DLG2: variants seen among roughly 807,000 people sequenced by gnomAD.
The protein encoded by DLG2 is disks large homolog 2.
DLG2 carries 45 observed loss-of-function variants against 132.5 expected under a neutral mutation model. That is an observed-to-expected ratio of 0.34 (90% CI 0.27 to 0.44). The LOEUF (loss-of-function observed/expected upper bound fraction) is 0.44, where lower values mean the gene tolerates loss of function less well. Among genes scored for constraint, DLG2 ranks in the 20% least tolerant of loss-of-function variants. DLG2 has a pLI of 1.00. For missense variants in DLG2, 1,045 were observed against 1,196.9 expected, an observed-to-expected ratio of 0.87 and a Z score of 1.87; for synonymous variants, 424 against 419.6, an observed-to-expected ratio of 1.01 and a Z score of -0.13.
chr11:85,584,282 T>A (rs899032595), intron 3 of DLG2, among the ~76,000 whole-genome samples: 1 of 152,032 alleles, frequency 6.6e-6, no homozygotes. Context: ...TCCAACCCCA[T>A]CCAGGTTACT....
intron 6 of DLG2, among the ~76,000 whole-genome samples, chr11:85,082,693 A>T (rs1453028917): frequency 6.6e-6 from 1 of 151,640 alleles, no homozygotes; most frequent in African/African-American, 2.4e-5. Context: ...TTGAGAAAGG[A>T]ACCAAACAGA....
intron 9 of DLG2, among the ~76,000 whole-genome samples, chr11:84,118,886 G>A (rs1566582091): frequency 1.3e-5 from 2 of 152,146 alleles, no homozygotes; most frequent in Non-Finnish European, 2.9e-5. Context: ...ACTTTAGGCA[G>A]GTTAATAATT....
rs751885351 is a variant in DLG2, at chr11:84,784,356, A to AT, written c.358-249626dup. Among the ~76,000 whole-genome samples, 722 of 148,866 alleles carry AT rather than the reference A, an allele frequency of 4.9e-3. 4 individuals carry two copies. The highest frequency in any genetic ancestry group is 9.9e-3 in the South Asian group (47 of 4,746). On this transcript the variant is annotated intron_variant, in intron 6 of 27. Coordinates refer to ENST00000376104, the MANE Select transcript of DLG2 (RefSeq NM_001142699.3). ...AATAAATAAATAAATAAATAAATAA[A>AT]TAAATAAATAAATTAAACAAGAGTA...
At chr11:84,663,118 T>G (rs2099696361) in intron 6 of DLG2, among the ~76,000 whole-genome samples, 1 of 152,120 alleles carries the variant, frequency 6.6e-6, no homozygotes, top group South Asian at 2.1e-4. Flanking sequence ...TTCTTCACCA[T>G]TTTGAAGATC....
At chr11:84,037,842 T>A (rs1276728602) in intron 11 of DLG2, among the ~76,000 whole-genome samples, 1 of 152,174 alleles carries the variant, frequency 6.6e-6, no homozygotes, top group Non-Finnish European at 1.5e-5. Flanking sequence ...TAACTGGTTA[T>A]AATTTCATGG....
At chr11:84,804,438 A>C (rs980762579) in intron 6 of DLG2, among the ~76,000 whole-genome samples, 1 of 152,232 alleles carries the variant, frequency 6.6e-6, no homozygotes, top group African/African-American at 2.4e-5. Context: ...TCTTCCTACT[A>C]TGTACAAATA....
chr11:83,827,899 A>C (rs2053352147), intron 17 of DLG2, among the ~76,000 whole-genome samples: 1 of 152,232 alleles, frequency 6.6e-6, no homozygotes, highest in Admixed American at 6.5e-5. Flanking sequence ...CAATTACTGA[A>C]TTCCGTTCTG....
chr11:83,480,377 C>G (rs1242504286), intron 22 of DLG2: 7 of 1,535,106 alleles, frequency 4.6e-6, no homozygotes, highest in Non-Finnish European at 6.1e-6. Context: ...CTTACGGTAG[C>G]TACTTTCGCT....
At chr11:84,083,213 G>C (rs1458651875) in intron 10 of DLG2, among the ~76,000 whole-genome samples, 1 of 152,168 alleles carries the variant, frequency 6.6e-6, no homozygotes, top group Non-Finnish European at 1.5e-5. Flanking sequence ...CCAGGAGGTG[G>C]AGATTCCAGT....
At chr11:84,967,253 A>C (rs577657906) in intron 6 of DLG2, among the ~76,000 whole-genome samples, 1 of 152,212 alleles carries the variant, frequency 6.6e-6, no homozygotes, top group African/African-American at 2.4e-5. Flanking sequence ...CATCTTTAAA[A>C]CTTTAAAAAA....
chr11:84,960,153 A>C (rs1210769551), intron 6 of DLG2, among the ~76,000 whole-genome samples: 2 of 152,206 alleles, frequency 1.3e-5, no homozygotes, highest in South Asian at 2.1e-4. Context: ...TGAGTGGCAA[A>C]GTGGGGATTT....
At chr11:84,283,059 C>T (rs1032155159) in intron 7 of DLG2, among the ~76,000 whole-genome samples, 7 of 152,142 alleles carry the variant, frequency 4.6e-5, no homozygotes, top group African/African-American at 1.4e-4. Flanking sequence ...ATAGAGTAAA[C>T]TCTCTGGAGG....
chr11:84,600,374 C>T (rs1181075740), intron 6 of DLG2, among the ~76,000 whole-genome samples: 1 of 152,100 alleles, frequency 6.6e-6, no homozygotes, highest in Non-Finnish European at 1.5e-5. Flanking sequence ...TCAACCTAAA[C>T]CCTAAACATT....
At chr11:85,291,734 A>G (rs2078906315) in intron 3 of DLG2, among the ~76,000 whole-genome samples, 2 of 151,960 alleles carry the variant, frequency 1.3e-5, no homozygotes, top group Admixed American at 1.3e-4. Flanking sequence ...ACAGGTGCCC[A>G]ACACCATGCC....
intron 9 of DLG2, among the ~76,000 whole-genome samples, chr11:84,162,981 A>C (rs2095580180): frequency 6.6e-6 from 1 of 152,094 alleles, no homozygotes; most frequent in African/African-American, 2.4e-5. Flanking sequence ...CCAGGACCCT[A>C]CCAGCATATT....
At chr11:84,004,402 A>G (rs2094485175) in intron 11 of DLG2, among the ~76,000 whole-genome samples, 1 of 152,146 alleles carries the variant, frequency 6.6e-6, no homozygotes, top group African/African-American at 2.4e-5. Flanking sequence ...CATAATAAAA[A>G]TGTTCAACAA....
intron 12 of DLG2, among the ~76,000 whole-genome samples, chr11:83,966,410 G>A (rs1839336083): frequency 6.6e-6 from 1 of 151,950 alleles, no homozygotes; most frequent in Non-Finnish European, 1.5e-5. Flanking sequence ...TAACAGAAAT[G>A]CCTCTTTCTT....
intron 15 of DLG2, among the ~76,000 whole-genome samples, chr11:83,876,355 G>A (rs923794549): frequency 1.4e-4 from 22 of 151,990 alleles, no homozygotes; most frequent in African/African-American, 5.3e-4. Context: ...GACCACTTCA[G>A]TTAGTCATAC....
At chr11:84,950,482 G>C (rs1438530390) in intron 6 of DLG2, among the ~76,000 whole-genome samples, 2 of 151,952 alleles carry the variant, frequency 1.3e-5, no homozygotes, top group African/African-American at 2.4e-5. Flanking sequence ...AAAGTAGAAG[G>C]CTATTTTAAT....
Sources: allele counts gnomAD v4.1 joint callset (sites outside exome capture counted in the v4.1 genomes callset), GRCh38; gene constraint gnomAD v4.1.1; transcripts MANE v1.5; gene names NCBI Gene and HGNC (gene_info 2026-07-23, HGNC 2026-07-21).